The following BLOC1S3 variants were observed in gnomAD, a reference collection of about 807,000 sequenced individuals.
BLOC1S3 encodes the protein biogenesis of lysosomal organelles complex 1 subunit 3, also known as biogenesis of lysosome-related organelles complex 1 subunit 3.
A neutral mutation model predicts 9.1 loss-of-function variants in BLOC1S3; 7 were observed. The observed-to-expected ratio is 0.77, with a 90% confidence interval of 0.44 to 1.45. BLOC1S3 has a LOEUF of 1.45. Among genes scored for constraint, BLOC1S3 ranks in the 40% most tolerant of loss-of-function variants. BLOC1S3 has a pLI of 0.01. For missense variants in BLOC1S3, 307 were observed against 315.2 expected (o/e 0.97, Z 0.20); for synonymous variants, 145 against 158.4 (o/e 0.92, Z 0.64).
chr19:45,215,419 C>T (rs746763453), intron 3 of BLOC1S3, among the ~76,000 whole-genome samples: 2 of 151,760 alleles, frequency 1.3e-5, no homozygotes, highest in African/African-American at 2.4e-5. Context: ...TGCAGTGAAC[C>T]GTGATTGTGC....
intron 3 of BLOC1S3, among the ~76,000 whole-genome samples, chr19:45,215,074 A>T (rs936026147): frequency 2.6e-5 from 4 of 152,062 alleles, no homozygotes; most frequent in African/African-American, 9.7e-5. Context: ...TGAACCCGGG[A>T]GGCAGAGGTT....
chr19:45,215,581 G>C (rs1969823931), intron 3 of BLOC1S3, among the ~76,000 whole-genome samples: 1 of 152,170 alleles, frequency 6.6e-6, no homozygotes, highest in South Asian at 2.1e-4. Context: ...TGATGATGAT[G>C]ATGATGATGA....
chr19:45,184,903 C>CAAAAAAAAAAAAAAA (rs71338752), downstream of BLOC1S3, among the ~76,000 whole-genome samples: 11 of 48,278 alleles, frequency 2.3e-4, 2 homozygotes, highest in Non-Finnish European at 4.4e-4. Context: ...CTGTCTCAAA[C>CAAAAAAAAAAAAAAA]AAAAAAAAAA....
chr19:45,183,306 C>G (rs1287179023), downstream of BLOC1S3, among the ~76,000 whole-genome samples: 1 of 151,912 alleles, frequency 6.6e-6, no homozygotes. Flanking sequence ...GTGGTGAAAC[C>G]CTGTCTCTAC....
At position 45,180,001 on chromosome 19, in the gene BLOC1S3, C is replaced by A. The variant is rs552139493; in HGVS notation, c.*96C>A. On this transcript the variant is annotated 3_prime_UTR_variant, in exon 2 of 2. Coordinates refer to ENST00000433642, the MANE Select transcript of BLOC1S3 (RefSeq NM_212550.5). ...CTCCTGTGTCTCTTATCACCCCCCA[C>A]CCCCGCTCCCATCTTGGTGTCACCC... is the stretch of plus-strand genomic sequence containing the variant. 2.1e-6 allele frequency: 3 copies of A among 1,413,908 alleles called. No homozygotes were observed. The highest frequency in any genetic ancestry group is 1.9e-6 in the Non-Finnish European group (2 of 1,039,832). The allele number at this position is 1,413,908 out of a possible 1,614,324, so 87.6% of individuals were successfully genotyped here. A position where few individuals can be genotyped will look rare whatever the true frequency, so the allele number is the denominator to read the frequency against.
chr19:45,209,515 G>C (rs190777072), intron 3 of BLOC1S3, among the ~76,000 whole-genome samples: 1,967 of 152,080 alleles, frequency 0.013, 134 homozygotes, highest in Admixed American at 0.12. Flanking sequence ...TCCGCCTCCC[G>C]GTTTCACTCC....
At chr19:45,215,759 TCCCTGAGTCCCCTGCGGCTC>T (rs1969825972) in intron 3 of BLOC1S3, among the ~76,000 whole-genome samples, 1 of 152,124 alleles carries the variant, frequency 6.6e-6, no homozygotes, top group Non-Finnish European at 1.5e-5. Context: ...GCCCTGCGTG[TCCCTGAGTCCCCTGCGGCTC>T]CCCTGCGGGC....
chr19:45,209,250 T>C (rs1275996364), intron 3 of BLOC1S3, among the ~76,000 whole-genome samples: 1 of 151,960 alleles, frequency 6.6e-6, no homozygotes, highest in Non-Finnish European at 1.5e-5. Context: ...GGTTTCACCA[T>C]GTTGGCCAGG....
downstream of BLOC1S3, among the ~76,000 whole-genome samples, chr19:45,182,498 T>A (rs1485683366): frequency 6.6e-6 from 1 of 151,944 alleles, no homozygotes; most frequent in East Asian, 1.9e-4. Context: ...TGAAACTCTA[T>A]CTCCACTAAA....
chr19:45,185,763 C>G (rs1344996174), downstream of BLOC1S3, among the ~76,000 whole-genome samples: 3 of 151,440 alleles, frequency 2.0e-5, no homozygotes, highest in African/African-American at 7.3e-5. Context: ...CCCTGGGGAG[C>G]CAAGGCAAGT....
chr19:45,216,093 C>A, intron 3 of BLOC1S3: 2 of 1,613,902 alleles, frequency 1.2e-6, no homozygotes, highest in Non-Finnish European at 1.7e-6. Flanking sequence ...GGTAGTCGCG[C>A]ACCAACACTC....
downstream of BLOC1S3, among the ~76,000 whole-genome samples, chr19:45,183,935 A>C (rs1048762717): frequency 6.6e-6 from 1 of 152,000 alleles, no homozygotes; most frequent in African/African-American, 2.4e-5. Flanking sequence ...ACACCTGGTC[A>C]GGACTTCCCT....
intron 3 of BLOC1S3, among the ~76,000 whole-genome samples, chr19:45,209,465 A>C (rs1969751500): frequency 6.6e-6 from 1 of 151,998 alleles, no homozygotes; most frequent in Admixed American, 6.6e-5. Flanking sequence ...TCTGTCGCCC[A>C]GGTTGGAGTG....
chr19:45,186,018 C>T (rs187531477), downstream of BLOC1S3, among the ~76,000 whole-genome samples: 116 of 152,120 alleles, frequency 7.6e-4, no homozygotes, highest in African/African-American at 2.6e-3. Flanking sequence ...GAGGCTGAGG[C>T]GGGAGAATCA....
At chr19:45,188,549 A>AATTATTATTATTATT (rs61583899) in intron 2 of BLOC1S3, among the ~76,000 whole-genome samples, 68 of 143,330 alleles carry the variant, frequency 4.7e-4, no homozygotes, top group African/African-American at 1.5e-3. Context: ...CATTCTTTCT[A>AATTATTATTATTATT]ATTATTATTA....
Position 45,179,822 on chromosome 19 carries a change from A to T in BLOC1S3, c.526A>T (p.Ile176Phe). ...DLCALAERLD[I>F]VAGCRLLPDI... ...TTGTGCGCTGGCCGAGCGTCTGGAC[A>T]TCGTGGCTGGCTGCCGCCTGCTGCC... The change falls in exon 2 of 2, where the codon ATC (isoleucine) becomes TTC (phenylalanine). Residue 176 changes from isoleucine to phenylalanine, a missense_variant. Coordinates refer to ENST00000433642, the MANE Select transcript of BLOC1S3 (RefSeq NM_212550.5). The surrounding 1 kb of genome is among the most constrained non-coding windows in gnomAD (Gnocchi z 4.6). The T allele has an allele frequency of 6.2e-7, 1 of 1,608,444 alleles. No individual in the cohort carries two copies.
intron 3 of BLOC1S3, among the ~76,000 whole-genome samples, chr19:45,209,143 G>A (rs1182395385): frequency 6.6e-6 from 1 of 151,922 alleles, no homozygotes; most frequent in East Asian, 1.9e-4. Context: ...CTGCCTCCCG[G>A]GTTCAAACCA....
At chr19:45,190,821 T>TATTTTATTTTATTTTATTTTATTTTA (rs1599751332) in intron 2 of BLOC1S3, among the ~76,000 whole-genome samples, 9 of 147,366 alleles carry the variant, frequency 6.1e-5, no homozygotes, top group African/African-American at 2.0e-4. Context: ...TATTTTATTT[T>TATTTTATTTTATTTTATTTTATTTTA]TTGAGAGAGA....
chr19:45,193,928 G>C (rs59446300), intron 2 of BLOC1S3, among the ~76,000 whole-genome samples: 2 of 16,224 alleles, frequency 1.2e-4, no homozygotes, highest in Non-Finnish European at 2.6e-4. Flanking sequence ...TCAGCCTCCT[G>C]AGTAGCCGGG....
Sources: gnomAD v4.1 joint callset for allele counts (sites outside exome capture counted in the v4.1 genomes callset) on GRCh38, gnomAD v4.1.1 for gene constraint, Gnocchi (gnomAD v3.1) non-coding constraint, MANE v1.5 for transcripts, NCBI Gene and HGNC (gene_info 2026-07-23, HGNC 2026-07-21) for gene names.